The following KMT2D variants were observed in gnomAD, a reference collection of about 807,000 sequenced individuals.
The protein encoded by KMT2D is lysine methyltransferase 2D.
KMT2D carries 55 observed loss-of-function variants against 512.7 expected under a neutral mutation model. That is an observed-to-expected ratio of 0.11 (90% CI 0.09 to 0.13). KMT2D has a LOEUF of 0.13. Ranked by LOEUF, KMT2D falls within the 10% of genes least tolerant of loss-of-function variation. The pLI, the probability that KMT2D is intolerant of heterozygous loss-of-function variation, is 1.00. For synonymous variants in KMT2D, 2,995 were observed against 2,904.0 expected, an observed-to-expected ratio of 1.03 and a Z score of -1.01; for missense variants, 6,061 against 7,127.9, an observed-to-expected ratio of 0.85 and a Z score of 5.39.
chr12:49,027,782 C>T lies in KMT2D; in HGVS notation c.14643+21G>A, dbSNP rs1016633415. On this transcript the variant is annotated intron_variant, in intron 48 of 54. Transcript: ENST00000301067. Reference sequence around the variant, plus strand: ...AGCCCCTTTTTTCTAACACCCACCCCTTTTTCTCCCCCAGACCTACCTGTT... The same window carrying T: ...AGCCCCTTTTTTCTAACACCCACCCTTTTTTCTCCCCCAGACCTACCTGTT... 4.5e-6 allele frequency: 7 copies of T among 1,553,394 alleles called. No individual in the cohort carries two copies. In the African/African-American group the frequency reaches 8.2e-5, roughly 18 times the overall value.
Position 49,026,105 on chromosome 12 carries a change from T to C in KMT2D, c.15784+77A>G. The C allele has an allele frequency of 2.2e-6, 3 of 1,386,516 alleles. No individual in the cohort carries two copies. Among genetic ancestry groups the C allele is most frequent in the Non-Finnish European group, 2.9e-6 (3 of 1,019,708 alleles). 85.9% of individuals were successfully genotyped at this position (1,386,516 alleles called of 1,614,324 possible). A position where few individuals can be genotyped will look rare whatever the true frequency, so the allele number is the denominator to read the frequency against. On this transcript the variant is annotated intron_variant, in intron 49 of 54. Coordinates refer to ENST00000301067, the MANE Select transcript of KMT2D (RefSeq NM_003482.4). This position sits in a 1 kb window ranked among gnomAD's most constrained non-coding sequence, Gnocchi z 9.6. ...ATTCACATAGAAGCTACAGGTCCTC[T>C]TATAGACATTGTAACAGTGACCCTG...
rs770835064 is a variant in KMT2D at position 49,043,921 on chromosome 12, G to A, written c.5266C>T (p.Arg1756Trp). ...AGTTTGCTCTTCTTGCGCCCTCGCC[G>A]CTGTTGCTTCTTCTTCTCATCCCCT... ...AEGDEKKKQQ[R>W]RGRKKSKLED... Residue 1756 changes from arginine (R) to tryptophan (W), a missense_variant, in exon 23 of 55, where the codon CGG becomes TGG. Coordinates refer to ENST00000301067, the MANE Select transcript of KMT2D (RefSeq NM_003482.4). The A allele has an allele frequency of 6.2e-7, 1 of 1,614,052 alleles. No individual in the cohort carries two copies. The highest frequency in any genetic ancestry group is 2.2e-5 in the East Asian group (1 of 44,876).
chr12:49,029,664 TTTTG>T (rs1352929229), intron 43 of KMT2D, among the ~76,000 whole-genome samples, 188 bp from the exon 44 acceptor site: 5 of 124,572 alleles, frequency 4.0e-5, no homozygotes, highest in Non-Finnish European at 8.1e-5. Context: ...CACTGTTGTT[TTTTG>T]TTTTTTTTGT....
rs777156727 is a variant in KMT2D at position 49,021,243 on chromosome 12, G to A, written c.*537C>T. On this transcript the variant is annotated 3_prime_UTR_variant, in exon 55 of 55. Coordinates refer to ENST00000301067, the MANE Select transcript of KMT2D (RefSeq NM_003482.4). Reference sequence around the variant, plus strand: ...ACCCATAGAGAGACAGAAACACAGAGGAAAAGAGGGAAACAGAGACAGATC... The same window carrying A: ...ACCCATAGAGAGACAGAAACACAGAAGAAAAGAGGGAAACAGAGACAGATC... 1.0e-3 allele frequency: 208 copies of A among 208,248 alleles called. No individual in the cohort carries two copies. The highest frequency in any genetic ancestry group is 1.7e-3 in the Non-Finnish European group (169 of 102,182). 12.9% of individuals were successfully genotyped at this position (208,248 alleles called of 1,614,324 possible).
At chr12:49,034,546 T>C (rs1565781512) in intron 37 of KMT2D, 36 bp downstream of exon 37, 3 of 1,612,188 alleles carry the variant, frequency 1.9e-6, no homozygotes, top group Non-Finnish European at 2.5e-6. Context: ...CCCAGTGGCA[T>C]AAGACACAAG....
chr12:49,025,977 T>G (rs1183400906), intron 49 of KMT2D, among the ~76,000 whole-genome samples: 1 of 152,158 alleles, frequency 6.6e-6, no homozygotes, highest in Admixed American at 6.5e-5. Context: ...CAGCAAAATA[T>G]TTTCAACTAC....
In KMT2D at chr12:49,051,607, T is replaced by C. The variant is rs1183564910; in HGVS notation, c.2076A>G (p.Pro692=). The C allele has an allele frequency of 1.3e-6, 2 of 1,578,610 alleles. No individual in the cohort carries two copies. The highest frequency in any genetic ancestry group is 1.7e-6 in the Non-Finnish European group (2 of 1,160,458). The part of the protein sequence containing the change: ...PPPEASRLSP[P]PEDSPTSPPP... ...GTGGGGATGTGGGGGAGTCCTCAGGTGGTGGGGAGAGGCGTGAAGCCTCAG... is the reference window on the plus strand; with the variant it reads ...GTGGGGATGTGGGGGAGTCCTCAGGCGGTGGGGAGAGGCGTGAAGCCTCAG... Residue 692 remains proline, a synonymous_variant, in exon 11 of 55, where the codon CCA becomes CCG. Coordinates refer to ENST00000301067, the MANE Select transcript of KMT2D (RefSeq NM_003482.4).
intron 12 of KMT2D, 132 bp downstream of exon 12, chr12:49,049,550 C>T (rs946869547): frequency 7.7e-6 from 8 of 1,039,438 alleles, no homozygotes; most frequent in African/African-American, 1.6e-5. Flanking sequence ...GTATTTTCTC[C>T]TTAATAACTG....
At chr12:49,023,222 T>C (rs1035838442) in intron 51 of KMT2D, among the ~76,000 whole-genome samples, 5 of 152,168 alleles carry the variant, frequency 3.3e-5, no homozygotes, top group Admixed American at 6.5e-5. Flanking sequence ...CTCAAGGCCA[T>C]GCTCCTCTGG....
chr12:49,039,401 T>C lies in KMT2D; in HGVS notation c.8229+34A>G, dbSNP rs758956733. 2.5e-6 allele frequency: 4 copies of C among 1,605,322 alleles called. No individual in the cohort carries two copies. In the Admixed American group the frequency reaches 5.1e-5, roughly 20 times the overall value. On this transcript the variant is annotated intron_variant, in intron 33 of 54. Transcript: ENST00000301067. The surrounding 1 kb of genome is among the most constrained non-coding windows in gnomAD (Gnocchi z 5.0). Reference sequence around the variant, plus strand: ...GATGAAGGTGGAGCAACCTTCAATATCCTGGCCCCACTATCCCTTGCCACT... The same window carrying C: ...GATGAAGGTGGAGCAACCTTCAATACCCTGGCCCCACTATCCCTTGCCACT...
chr12:49,042,597 TAGG>T lies in KMT2D; in HGVS notation c.5828_5830del (p.Ser1943del). ...GAACGGGGACTGGCAGAGGCCTGGG[TAGG>T]AGTCCATTGGGCTGCTGGAGGGCAG... On this transcript the variant is annotated inframe_deletion, in exon 28 of 55. Transcript: ENST00000301067. The surrounding 1 kb of genome is among the most constrained non-coding windows in gnomAD (Gnocchi z 4.4). 6.2e-7 allele frequency: 1 copy of T among 1,613,772 alleles called. No individual in the cohort carries two copies. Among genetic ancestry groups the T allele is most frequent in the Non-Finnish European group, 8.5e-7 (1 of 1,179,794 alleles).
intron 24 of KMT2D, 65 bp from the exon 25 acceptor site, chr12:49,043,493 A>T (rs779417956): frequency 6.3e-7 from 1 of 1,597,430 alleles, no homozygotes. Context: ...ACAGGTCTCC[A>T]GTCCCACAGC....
rs757780536 is a variant in KMT2D at position 49,039,644 on chromosome 12, A to G, written c.8047-27T>C. Reference sequence around the variant, plus strand: ...TATGCAAAAAAAAGAGAAGAGGAATAAGCCCATTCTACTCCAATCATAGGG... The same window carrying G: ...TATGCAAAAAAAAGAGAAGAGGAATGAGCCCATTCTACTCCAATCATAGGG... On this transcript the variant is annotated intron_variant, in intron 32 of 54. Transcript: ENST00000301067. The surrounding 1 kb of genome is among the most constrained non-coding windows in gnomAD (Gnocchi z 5.0). The G allele has an allele frequency of 2.5e-6, 4 of 1,604,318 alleles. No homozygotes were observed. The highest frequency in any genetic ancestry group is 3.4e-6 in the Non-Finnish European group (4 of 1,177,406).
chr12:49,024,892 A>C lies in KMT2D; in HGVS notation c.15839T>G (p.Met5280Arg). The change falls in exon 50 of 55, where the codon ATG becomes AGG. Residue 5280 changes from methionine to arginine, a missense_variant. Met to Arg is a moderately conservative substitution (Grantham distance 91, BLOSUM62 -1). Around this residue, in one of 16 missense-constraint regions of KMT2D, gnomAD observed 261 missense variants for 440.7 expected, o/e 0.59. Transcript: ENST00000301067. This position sits in a 1 kb window ranked among gnomAD's most constrained non-coding sequence, Gnocchi z 4.5. ...CAGATACTCAGGGAAGAGTCGCAGC[A>C]TGTCAGCCTCTTTTCTCATGGCAGC... ...PVAAMRKEAD[M>R]LRLFPEYLKG... 1 of 1,604,404 alleles carries C rather than the reference A, an allele frequency of 6.2e-7. No homozygotes were observed. The highest frequency in any genetic ancestry group is 8.5e-7 in the Non-Finnish European group (1 of 1,175,612).
In KMT2D at chr12:49,050,612, G is replaced by A. The variant is rs1039280642; in HGVS notation, c.2976C>T (p.Asp992=). 3.1e-6 allele frequency: 5 copies of A among 1,610,910 alleles called. No homozygotes were observed. Among genetic ancestry groups the A allele is most frequent in the Admixed American group, 1.7e-5 (1 of 59,876 alleles). The stretch of plus-strand genomic sequence containing the variant: ...GGATCATAGGGGGGACAGGCTCAGG[G>A]TCAGTGCAGTTAGCTTCTGGTGGAG... ...ISPPPEANCT[D]PEPVPPMILP... The change falls in exon 12 of 55, where the codon GAC becomes GAT. Residue 992 remains aspartate, a synonymous_variant. Coordinates refer to ENST00000301067, the MANE Select transcript of KMT2D (RefSeq NM_003482.4).
chr12:49,038,983 C>G lies in KMT2D; in HGVS notation c.8373G>C (p.Leu2791=). 1 of 1,551,800 alleles carries G rather than the reference C, an allele frequency of 6.4e-7. No individual in the cohort carries two copies. Residue 2791 remains leucine (L), a synonymous_variant, in exon 35 of 55, where the codon CTG becomes CTC. Coordinates refer to ENST00000301067, the MANE Select transcript of KMT2D (RefSeq NM_003482.4). This position sits in a 1 kb window ranked among gnomAD's most constrained non-coding sequence, Gnocchi z 5.7. ...GATAGAAAGCTTGGGAGCCTCCTAC[C>G]AGTTGCCTGGAAGAATATACAGTAG... ...PSSMDVNSRQ[L]VGGSQAFYQR... is the part of the protein sequence containing the mutation.
In KMT2D at chr12:49,034,283, C is replaced by T. The variant is rs1943104250; in HGVS notation, c.10524G>A (p.Arg3508=). ...AQGVINEADQ[R]QYEEWLFHTQ... ...TATGGAACAGCCACTCCTCATACTG[C>T]CGCTGGTCAGCTTCATCTGGGAAAA... The change falls in exon 39 of 55, where the codon CGG becomes CGA. Residue 3508 remains arginine (R), a synonymous_variant. Transcript: ENST00000301067. 2 of 1,613,002 alleles carry T rather than the reference C, an allele frequency of 1.2e-6. No individual in the cohort carries two copies. The highest frequency in any genetic ancestry group is 1.7e-6 in the Non-Finnish European group (2 of 1,179,232).
At chr12:49,043,558 C>G (rs2120570085) in intron 24 of KMT2D, 77 bp downstream of exon 24, 1 of 1,599,130 alleles carries the variant, frequency 6.3e-7, no homozygotes, top group Non-Finnish European at 8.6e-7. Context: ...CAGTCCATTT[C>G]CCATCAAATA....
At position 49,038,927 on chromosome 12, in the gene KMT2D, A is replaced by G. The variant is rs1001734160; in HGVS notation, c.8429T>C (p.Leu2810Ser). 3.2e-6 allele frequency: 5 copies of G among 1,551,592 alleles called. No homozygotes were observed. The African/African-American group carries it at 4.1e-5, about 13-fold the overall frequency. The change falls in exon 35 of 55, where the codon TTA becomes TCA. Residue 2810 changes from leucine (L) to serine (S), a missense_variant. By Grantham distance (145) the Leu-to-Ser change is moderately radical (BLOSUM62 -2). Coordinates refer to ENST00000301067, the MANE Select transcript of KMT2D (RefSeq NM_003482.4). This position sits in a 1 kb window ranked among gnomAD's most constrained non-coding sequence, Gnocchi z 5.7. The stretch of plus-strand genomic sequence containing the variant: ...CCACAGTTGTTGCTGTTGCTGCTGT[A>G]AGGGCAGGGACCCAGGATAGGGTGC... ...QRAPYPGSLP[L>S]QQQQQQLWQQ... is the part of the protein sequence containing the mutation.
Sources: gnomAD v4.1 joint callset for allele counts (sites outside exome capture counted in the v4.1 genomes callset) on GRCh38, gnomAD v4.1.1 for gene constraint, gnomAD v4.1.1 regional missense constraint, Gnocchi (gnomAD v3.1) non-coding constraint, MANE v1.5 for transcripts, NCBI Gene and HGNC (gene_info 2026-07-23, HGNC 2026-07-21) for gene names.